The following SLC39A11 variants were observed in gnomAD, a reference collection of about 807,000 sequenced individuals.
The protein encoded by SLC39A11 is zinc transporter ZIP11.
In SLC39A11, 33 loss-of-function variants were observed where a neutral mutation model predicts 36.1. That is an observed-to-expected ratio of 0.91 (90% confidence interval 0.69 to 1.22). SLC39A11 has a LOEUF of 1.22. SLC39A11 is among the 50% of genes most tolerant of loss of function. The pLI, the probability that SLC39A11 is intolerant of heterozygous loss-of-function variation, is 0.00. For missense variants in SLC39A11, 432 were observed against 430.3 expected (o/e 1.00, Z -0.03); for synonymous variants, 166 against 170.3 (o/e 0.97, Z 0.20).
chr17:72,776,355 C>T (rs988847502), intron 6 of SLC39A11, among the ~76,000 whole-genome samples: 2 of 152,280 alleles, frequency 1.3e-5, no homozygotes, highest in African/African-American at 4.8e-5. Flanking sequence ...TTGTTACTCT[C>T]CTAATAAATT....
At chr17:72,776,265 C>A (rs1453730158) in intron 6 of SLC39A11, among the ~76,000 whole-genome samples, 1 of 152,204 alleles carries the variant, frequency 6.6e-6, no homozygotes, top group Non-Finnish European at 1.5e-5. Context: ...CAATGCTTCC[C>A]AAGTGTAAAC....
chr17:72,931,008 C>G (rs139746437), intron 5 of SLC39A11, among the ~76,000 whole-genome samples: 3 of 152,106 alleles, frequency 2.0e-5, no homozygotes, highest in Admixed American at 6.5e-5. Context: ...TGGGGCTGCA[C>G]GTGGCAGCCC....
At chr17:72,719,658 G>C (rs531623786) in intron 7 of SLC39A11, among the ~76,000 whole-genome samples, 3 of 152,302 alleles carry the variant, frequency 2.0e-5, no homozygotes, top group Middle Eastern at 6.8e-3. Context: ...CCAGTGCCCG[G>C]GAAAGCCGCA....
chr17:72,944,684 T>C (rs926256487), intron 5 of SLC39A11, among the ~76,000 whole-genome samples: 5 of 152,278 alleles, frequency 3.3e-5, no homozygotes, highest in Middle Eastern at 3.4e-3. Context: ...CACAGAGATG[T>C]AGATACTAAA....
At position 72,798,417 on chromosome 17, in the gene SLC39A11, TC is replaced by T. The variant is rs1294609486; in HGVS notation, c.601+51216del. ...CTCTGGTCTCTTCCACTTCTTTCTTTCTTTTTTTTTTTTTGAGATGGAGCCT... is the reference window on the plus strand; with the variant it reads ...CTCTGGTCTCTTCCACTTCTTTCTTTTTTTTTTTTTTTTGAGATGGAGCCT... On this transcript the variant is annotated intron_variant, in intron 6 of 9. Coordinates refer to ENST00000255559, the MANE Select transcript of SLC39A11 (RefSeq NM_139177.4). 9.5e-5 allele frequency among the ~76,000 whole-genome samples: 14 copies of T among 147,966 alleles called. 5 individuals carry two copies. Among genetic ancestry groups the T allele is most frequent in the African/African-American group, 1.5e-4 (6 of 40,136 alleles).
At chr17:72,849,955 G>A (rs1447947494) in intron 5 of SLC39A11, 151 bp from the exon 6 acceptor site, 2 of 749,936 alleles carry the variant, frequency 2.7e-6, no homozygotes, top group Admixed American at 7.3e-5. Flanking sequence ...GGGCAATGGT[G>A]TGATCACAAC....
intron 5 of SLC39A11, among the ~76,000 whole-genome samples, chr17:72,886,186 T>C (rs1487478615): frequency 6.6e-6 from 1 of 152,174 alleles, no homozygotes; most frequent in Non-Finnish European, 1.5e-5. Flanking sequence ...CTCAGTGCTC[T>C]TCGCTCTCCT....
In SLC39A11 at chr17:72,833,983, T is replaced by C. The variant is rs1421635507; in HGVS notation, c.601+15651A>G. 2.0e-5 allele frequency among the ~76,000 whole-genome samples: 3 copies of C among 152,358 alleles called. No homozygotes were observed. In the East Asian group the frequency reaches 5.8e-4, roughly 29 times the overall value. The stretch of plus-strand genomic sequence containing the variant: ...CATTTAAATTATTTTATTCACAATA[T>C]ATGTAGGACATACCCCATGACTGAG... On this transcript the variant is annotated intron_variant, in intron 6 of 9. Coordinates refer to ENST00000255559, the MANE Select transcript of SLC39A11 (RefSeq NM_139177.4).
intron 5 of SLC39A11, among the ~76,000 whole-genome samples, chr17:72,869,869 A>G (rs746610400): frequency 6.6e-6 from 1 of 151,940 alleles, no homozygotes; most frequent in Non-Finnish European, 1.5e-5. Context: ...TCTCTCCCCT[A>G]CCCCCAAGTA....
chr17:72,696,261 A>G (rs555562673), intron 7 of SLC39A11, among the ~76,000 whole-genome samples: 1 of 152,150 alleles, frequency 6.6e-6, no homozygotes, highest in Admixed American at 6.5e-5. Context: ...CTGAGTCCCC[A>G]CCTGGCTCCT....
intron 3 of SLC39A11, among the ~76,000 whole-genome samples, chr17:73,052,666 A>G (rs1298500409): frequency 6.6e-6 from 1 of 152,192 alleles, no homozygotes; most frequent in Non-Finnish European, 1.5e-5. Context: ...CAAAAAGCAG[A>G]CAAAAGTGGT....
chr17:72,899,821 G>A (rs1244243511), intron 5 of SLC39A11, among the ~76,000 whole-genome samples: 2 of 152,058 alleles, frequency 1.3e-5, no homozygotes, highest in Non-Finnish European at 2.9e-5. Context: ...AGTTAGCCGG[G>A]CGTGGGGGCA....
intron 3 of SLC39A11, among the ~76,000 whole-genome samples, chr17:73,038,372 A>G (rs759963371): frequency 1.3e-5 from 2 of 152,034 alleles, no homozygotes; most frequent in Non-Finnish European, 2.9e-5. Flanking sequence ...TCAATGCTGA[A>G]CAAAGTGATT....
intron 7 of SLC39A11, among the ~76,000 whole-genome samples, chr17:72,676,074 A>T (rs148983516): frequency 0.23 from 32,371 of 142,882 alleles, 3,731 homozygotes; most frequent in South Asian, 0.28. Context: ...AATGTTTCAC[A>T]CACACACACA....
intron 7 of SLC39A11, among the ~76,000 whole-genome samples, chr17:72,716,992 TACACACAC>T (rs367641582): frequency 5.1e-4 from 65 of 126,432 alleles, no homozygotes; most frequent in Middle Eastern, 4.1e-3. Flanking sequence ...TATATATATA[TACACACAC>T]ACACACACAC....
intron 7 of SLC39A11, among the ~76,000 whole-genome samples, chr17:72,692,489 T>A (rs756374084): frequency 9.2e-5 from 14 of 152,162 alleles, no homozygotes; most frequent in Non-Finnish European, 1.8e-4. Flanking sequence ...CAAAAGGCAC[T>A]TCTTACATGG....
chr17:73,077,634 C>T (rs1202742657), intron 3 of SLC39A11, among the ~76,000 whole-genome samples: 10 of 152,160 alleles, frequency 6.6e-5, no homozygotes, highest in Admixed American at 6.5e-4. Flanking sequence ...GGCTCAAGGA[C>T]AATTTTAGAA....
At chr17:72,699,547 C>T (rs1253195517) in intron 7 of SLC39A11, among the ~76,000 whole-genome samples, 2 of 152,206 alleles carry the variant, frequency 1.3e-5, no homozygotes, top group East Asian at 3.9e-4. Context: ...CTGGTCTATC[C>T]ATTCATTCAT....
At chr17:72,671,253 T>A (rs2071011162) in intron 7 of SLC39A11, among the ~76,000 whole-genome samples, 1 of 152,208 alleles carries the variant, frequency 6.6e-6, no homozygotes, top group Admixed American at 6.5e-5. Context: ...TGTTTCCAAG[T>A]AGCTTATGTG....
Sources: allele counts gnomAD v4.1 joint callset (sites outside exome capture counted in the v4.1 genomes callset), GRCh38; gene constraint gnomAD v4.1.1; transcripts MANE v1.5; gene names NCBI Gene and HGNC (gene_info 2026-07-23, HGNC 2026-07-21).